The following ACTR3C variants were observed in gnomAD, a reference collection of about 807,000 sequenced individuals.
ACTR3C encodes actin-related protein 3C.
ACTR3C carries 18 observed loss-of-function variants against 26.3 expected under a neutral mutation model. That is an observed-to-expected ratio of 0.68 (90% CI 0.47 to 1.01). The LOEUF (loss-of-function observed/expected upper bound fraction) is 1.01. Among genes scored for constraint, ACTR3C ranks in the 50% least tolerant of loss-of-function variants. The pLI is 0.00. For missense variants in ACTR3C, 184 were observed against 250.7 expected, an observed-to-expected ratio of 0.73 and a Z score of 1.80; for synonymous variants, 55 against 94.5, an observed-to-expected ratio of 0.58 and a Z score of 2.42.
the ACTR3C span, among the ~76,000 whole-genome samples, chr7:150,219,194 G>C: frequency 6.9e-6 from 1 of 145,044 alleles, no homozygotes; most frequent in Non-Finnish European, 1.5e-5. Context: ...TTGATATTGT[G>C]GGCTAATACA....
At chr7:150,036,855 C>T in the ACTR3C span, among the ~76,000 whole-genome samples, 2 of 121,676 alleles carry the variant, frequency 1.6e-5, no homozygotes, top group East Asian at 4.1e-4. Flanking sequence ...GATGGGGGGT[C>T]CTAAGCCAGG....
chr7:150,215,017 C>CA, the ACTR3C span, among the ~76,000 whole-genome samples: 46 of 139,054 alleles, frequency 3.3e-4, no homozygotes, highest in South Asian at 5.3e-3. Flanking sequence ...TTCAAACACA[C>CA]AAAAAAAATG....
At chr7:149,930,544 C>G in the ACTR3C span, among the ~76,000 whole-genome samples, 1 of 152,160 alleles carries the variant, frequency 6.6e-6, no homozygotes, top group East Asian at 1.9e-4. Context: ...CCTACCCACC[C>G]TCTCCTCAAT....
chr7:149,899,677 C>T, the ACTR3C span, among the ~76,000 whole-genome samples: 1 of 147,228 alleles, frequency 6.8e-6, no homozygotes, highest in Admixed American at 6.8e-5. Context: ...TTGTGGATTA[C>T]AATTCCCAGA....
the ACTR3C span, among the ~76,000 whole-genome samples, chr7:149,903,696 T>C: frequency 6.6e-6 from 1 of 150,734 alleles, no homozygotes; most frequent in Non-Finnish European, 1.5e-5. Flanking sequence ...TGAGTGTCAC[T>C]ACACGTAGCT....
chr7:149,921,342 G>A, the ACTR3C span, among the ~76,000 whole-genome samples: 1 of 151,944 alleles, frequency 6.6e-6, no homozygotes, highest in South Asian at 2.1e-4. Context: ...CGTGGTCTAC[G>A]TAATTTCAGG....
chr7:150,146,417 T>C, the ACTR3C span, among the ~76,000 whole-genome samples: 2 of 152,184 alleles, frequency 1.3e-5, no homozygotes, highest in African/African-American at 4.8e-5. Context: ...CAATCAATTG[T>C]TCTTTTCTCC....
At chr7:150,216,587 A>G in the ACTR3C span, among the ~76,000 whole-genome samples, 4 of 152,062 alleles carry the variant, frequency 2.6e-5, no homozygotes, top group Non-Finnish European at 5.9e-5. Flanking sequence ...CCAAGTTACC[A>G]TTTGTCTCAC....
At chr7:150,231,305 G>T in the ACTR3C span, among the ~76,000 whole-genome samples, 9,091 of 152,046 alleles carry the variant, frequency 0.06, 867 homozygotes, top group African/African-American at 0.21. Context: ...CTTCATGGGA[G>T]GCATTTGGGT....
In ACTR3C at chr7:150,286,488, T is replaced by A. The variant is rs746495404; in HGVS notation, c.350A>T (p.Asp117Val). The change falls in exon 5 of 8, where the codon GAT (aspartate) becomes GTT (valine). Residue 117 changes from aspartate (D) to valine (V), a missense_variant. Coordinates refer to ENST00000683684, the MANE Select transcript of ACTR3C (RefSeq NM_001164458.2). ...PDIVKEFAKY[D>V]VDPQKWIKQY... ...TTTGATCCACTTCTGGGGATCCACA[T>A]CATACTTGGCAAATTCCTTGACTAT... 3.1e-6 allele frequency: 5 copies of A among 1,611,508 alleles called. No individual in the cohort carries two copies. Among genetic ancestry groups the A allele is most frequent in the Non-Finnish European group, 2.5e-6 (3 of 1,179,868 alleles).
At chr7:150,050,616 G>T in the ACTR3C span, among the ~76,000 whole-genome samples, 2 of 152,192 alleles carry the variant, frequency 1.3e-5, no homozygotes, top group Non-Finnish European at 2.9e-5. Flanking sequence ...AGGGGAGGAG[G>T]GCAGGAAAGA....
the ACTR3C span, among the ~76,000 whole-genome samples, chr7:150,070,689 G>A: frequency 6.6e-6 from 1 of 152,124 alleles, no homozygotes; most frequent in South Asian, 2.1e-4. Context: ...GGCCTCAAGT[G>A]ATCTGCCCCC....
At chr7:150,080,468 C>T in the ACTR3C span, among the ~76,000 whole-genome samples, 1 of 150,864 alleles carries the variant, frequency 6.6e-6, no homozygotes, top group Admixed American at 6.6e-5. Context: ...CAAATAAAAC[C>T]CAAAACTACA....
the ACTR3C span, among the ~76,000 whole-genome samples, chr7:150,074,527 G>A: frequency 4.0e-5 from 6 of 151,572 alleles, no homozygotes; most frequent in Non-Finnish European, 8.8e-5. Flanking sequence ...TGGCACCTGC[G>A]TACCTGACCT....
At chr7:150,179,291 C>T in the ACTR3C span, among the ~76,000 whole-genome samples, 1 of 143,058 alleles carries the variant, frequency 7.0e-6, no homozygotes, top group Admixed American at 6.7e-5. Context: ...GAGGACCAGT[C>T]CCGAACCATT....
At chr7:150,188,943 T>A in the ACTR3C span, among the ~76,000 whole-genome samples, 1 of 147,336 alleles carries the variant, frequency 6.8e-6, no homozygotes, top group African/African-American at 2.6e-5. Flanking sequence ...TTTAGATTTA[T>A]TTTTGTACCC....
At chr7:149,959,401 T>G in the ACTR3C span, among the ~76,000 whole-genome samples, 19 of 152,168 alleles carry the variant, frequency 1.2e-4, no homozygotes, top group Non-Finnish European at 2.6e-4. Context: ...GAAATACCAT[T>G]TTTCAACCCC....
chr7:150,152,813 CAG>C, the ACTR3C span, among the ~76,000 whole-genome samples: 4 of 152,118 alleles, frequency 2.6e-5, no homozygotes, highest in Non-Finnish European at 2.9e-5. Context: ...GCCACAATTT[CAG>C]AGCCTGTTAT....
the ACTR3C span, among the ~76,000 whole-genome samples, chr7:149,983,449 G>GTGTGTGTGTATATATATATATA: frequency 1.1e-3 from 25 of 23,326 alleles, no homozygotes; most frequent in Non-Finnish European, 1.1e-3. Context: ...GTGTGTGTGT[G>GTGTGTGTGTATATATATATATA]TATATATATA....
Sources: gnomAD v4.1 joint callset for allele counts (sites outside exome capture counted in the v4.1 genomes callset) on GRCh38, gnomAD v4.1.1 for gene constraint, MANE v1.5 for transcripts, NCBI Gene and HGNC (gene_info 2026-07-23, HGNC 2026-07-21) for gene names.